MACROD1: variants seen among roughly 807,000 people sequenced by gnomAD.
MACROD1 encodes the protein ADP-ribose glycohydrolase MACROD1.
Under a neutral mutation model 41.4 loss-of-function variants are expected in MACROD1, and 31 were observed. That is an observed-to-expected ratio of 0.75 (90% CI 0.56 to 1.01). The LOEUF (loss-of-function observed/expected upper bound fraction) is 1.01. Among genes scored for constraint, MACROD1 ranks in the 50% least tolerant of loss-of-function variants. MACROD1 has a pLI of 0.00. For synonymous variants in MACROD1, 252 were observed against 203.4 expected (o/e 1.24, Z -2.03); for missense variants, 473 against 460.0 (o/e 1.03, Z -0.26).
intron 3 of MACROD1, among the ~76,000 whole-genome samples, chr11:64,088,878 G>A (rs1470588816): frequency 6.6e-6 from 1 of 152,174 alleles, no homozygotes; most frequent in Non-Finnish European, 1.5e-5. Flanking sequence ...GCGGAATCGG[G>A]TGTATTGAAG....
intron 4 of MACROD1, among the ~76,000 whole-genome samples, chr11:64,010,208 G>T (rs1296697468): frequency 1.3e-5 from 2 of 150,876 alleles, no homozygotes; most frequent in African/African-American, 4.9e-5. Flanking sequence ...TTGGCATATT[G>T]GTTGGGGTGT....
At chr11:64,098,508 G>A (rs1312309492) in intron 3 of MACROD1, among the ~76,000 whole-genome samples, 4 of 152,348 alleles carry the variant, frequency 2.6e-5, no homozygotes, top group Admixed American at 1.3e-4. Context: ...CCTCGGGAGA[G>A]AGGGAATAAG....
chr11:64,073,859 A>T (rs1944153415), intron 3 of MACROD1, among the ~76,000 whole-genome samples: 1 of 151,818 alleles, frequency 6.6e-6, no homozygotes, highest in South Asian at 2.1e-4. Context: ...AGGGCCAGAG[A>T]TGCAGTTGGG....
At chr11:64,161,016 C>A (rs1406855894) in intron 1 of MACROD1, among the ~76,000 whole-genome samples, 5 of 150,986 alleles carry the variant, frequency 3.3e-5, no homozygotes, top group African/African-American at 9.8e-5. Flanking sequence ...TACTAAAATA[C>A]AAAAATTAGC....
At chr11:64,043,544 G>A (rs1312536085) in intron 3 of MACROD1, among the ~76,000 whole-genome samples, 1 of 152,202 alleles carries the variant, frequency 6.6e-6, no homozygotes, top group East Asian at 1.9e-4. Flanking sequence ...CAAGGGTTAG[G>A]AGGCAGCAGG....
intron 6 of MACROD1, 40 bp from the exon 7 acceptor site, chr11:63,999,600 C>T: frequency 5.0e-6 from 8 of 1,609,574 alleles, no homozygotes; most frequent in Non-Finnish European, 6.8e-6. Context: ...AACATTGTCA[C>T]TGCGCCCCGC....
At chr11:64,121,662 C>T (rs1945099737) in intron 3 of MACROD1, among the ~76,000 whole-genome samples, 1 of 152,198 alleles carries the variant, frequency 6.6e-6, no homozygotes, top group African/African-American at 2.4e-5. Context: ...CTCAGACATG[C>T]GTGAGGACAC....
At chr11:64,126,919 C>T (rs567106081) in intron 3 of MACROD1, 2 of 152,368 alleles carry the variant, frequency 1.3e-5, no homozygotes, top group African/African-American at 2.4e-5. Context: ...GTCTCAGGGG[C>T]CTGAGTGACG....
intron 4 of MACROD1, among the ~76,000 whole-genome samples, chr11:64,009,631 A>C (rs989538211): frequency 6.6e-6 from 1 of 151,582 alleles, no homozygotes; most frequent in African/African-American, 2.4e-5. Flanking sequence ...TGCCAGCACC[A>C]TCTAGTTCGG....
At chr11:64,016,778 G>T (rs75301560) in intron 3 of MACROD1, among the ~76,000 whole-genome samples, 1 of 152,212 alleles carries the variant, frequency 6.6e-6, no homozygotes, top group East Asian at 1.9e-4. Flanking sequence ...CGCGGGAAGT[G>T]AGGGGGAGGT....
chr11:64,104,675 G>A (rs1028892978), intron 3 of MACROD1, among the ~76,000 whole-genome samples: 1 of 152,168 alleles, frequency 6.6e-6, no homozygotes, highest in African/African-American at 2.4e-5. Context: ...GGGGACCCAG[G>A]GTGGGTTGAT....
chr11:64,160,815 A>T (rs777021422), intron 1 of MACROD1, among the ~76,000 whole-genome samples: 5,871 of 69,470 alleles, frequency 0.085, 157 homozygotes, highest in Middle Eastern at 0.23. Flanking sequence ...GACCATATCT[A>T]AAAAAAAAAA....
chr11:64,019,936 A>T (rs1943131878), intron 3 of MACROD1, among the ~76,000 whole-genome samples: 1 of 152,126 alleles, frequency 6.6e-6, no homozygotes, highest in Admixed American at 6.5e-5. Context: ...CCTACCAGCC[A>T]ACACCTCACT....
chr11:64,024,249 A>G (rs1293334157), intron 3 of MACROD1, among the ~76,000 whole-genome samples: 1 of 152,182 alleles, frequency 6.6e-6, no homozygotes, highest in Non-Finnish European at 1.5e-5. Context: ...AGACTTTAAA[A>G]CGAAACAAAA....
At position 64,118,359 on chromosome 11, in the gene MACROD1, A is replaced by G; in HGVS notation, c.517+32880T>C. 2.7e-6 allele frequency: 4 copies of G among 1,471,544 alleles called. No individual in the cohort carries two copies. The Admixed American group carries it at 9.6e-5, about 35-fold the overall frequency. The allele number at this position is 1,471,544 out of a possible 1,614,324, so 91.2% of individuals were successfully genotyped here. On this transcript the variant is annotated intron_variant, in intron 3 of 10. Coordinates refer to ENST00000255681, the MANE Select transcript of MACROD1 (RefSeq NM_014067.4). ...CTGGCGTGGCCATGTGGCTTTGCCC[A>G]GCCTGCTGCAATCCAAGAGAGCAAG...
chr11:64,042,498 C>T (rs1943507078), intron 3 of MACROD1, among the ~76,000 whole-genome samples: 1 of 152,202 alleles, frequency 6.6e-6, no homozygotes, highest in Non-Finnish European at 1.5e-5. Flanking sequence ...GATGGCCAGC[C>T]CTGCAGCGTA....
intron 3 of MACROD1, among the ~76,000 whole-genome samples, chr11:64,095,398 C>T (rs758709905): frequency 9.9e-5 from 15 of 152,122 alleles, no homozygotes; most frequent in Admixed American, 8.5e-4. Flanking sequence ...GCATTGCTCT[C>T]GGCCAGAGAG....
At chr11:64,119,842 C>T (rs917943818) in intron 3 of MACROD1, among the ~76,000 whole-genome samples, 2 of 152,144 alleles carry the variant, frequency 1.3e-5, no homozygotes, top group Non-Finnish European at 2.9e-5. Flanking sequence ...GAGATTAAAA[C>T]GATGATGAAA....
At chr11:64,030,092 C>T (rs751702655) in intron 3 of MACROD1, among the ~76,000 whole-genome samples, 6 of 152,054 alleles carry the variant, frequency 3.9e-5, no homozygotes, top group African/African-American at 1.2e-4. Flanking sequence ...CCCAGGCCTG[C>T]GTTCCCACCC....
Sources: gnomAD v4.1 joint callset for allele counts (sites outside exome capture counted in the v4.1 genomes callset) on GRCh38, gnomAD v4.1.1 for gene constraint, MANE v1.5 for transcripts, NCBI Gene and HGNC (gene_info 2026-07-23, HGNC 2026-07-21) for gene names.